Variants in SETD3 observed in about 807,000 individuals in gnomAD.
SETD3 encodes actin-histidine N-methyltransferase.
A neutral mutation model predicts 63.0 loss-of-function variants in SETD3; 19 were observed. The ratio of observed to expected loss-of-function variants is 0.30; its 90% CI spans 0.21 to 0.44. The LOEUF (loss-of-function observed/expected upper bound fraction) is 0.44. SETD3 is among the 20% of genes least tolerant of loss of function. The pLI is 1.00. For synonymous variants in SETD3, 286 were observed against 264.1 expected (o/e 1.08, Z -0.80); for missense variants, 587 against 728.5 (o/e 0.81, Z 2.24).
intron 6 of SETD3, among the ~76,000 whole-genome samples, chr14:99,455,360 G>A (rs1416040052): frequency 6.6e-6 from 1 of 152,166 alleles, no homozygotes; most frequent in Non-Finnish European, 1.5e-5. Context: ...CTCCAAATCT[G>A]CATGATTTTA....
At chr14:99,461,694 C>T (rs1895072074) in intron 3 of SETD3, among the ~76,000 whole-genome samples, 1 of 152,132 alleles carries the variant, frequency 6.6e-6, no homozygotes, top group Admixed American at 6.5e-5. Context: ...TCAAACATGC[C>T]ACCTCTCATG....
At chr14:99,423,531 T>C (rs1488463265) in intron 6 of SETD3, among the ~76,000 whole-genome samples, 1 of 137,566 alleles carries the variant, frequency 7.3e-6, no homozygotes, top group African/African-American at 2.7e-5. Context: ...TTAATTGCCT[T>C]TCTCATTTCA....
chr14:99,419,932 T>C (rs757894452), intron 6 of SETD3, among the ~76,000 whole-genome samples: 1 of 152,212 alleles, frequency 6.6e-6, no homozygotes, highest in Non-Finnish European at 1.5e-5. Flanking sequence ...AAGATGAAGA[T>C]AGGTTAAGAC....
intron 1 of SETD3, among the ~76,000 whole-genome samples, chr14:99,469,099 T>C (rs1038271618): frequency 2.0e-5 from 3 of 152,218 alleles, no homozygotes; most frequent in African/African-American, 7.2e-5. Flanking sequence ...ACAAAATACA[T>C]TCCGTTGACA....
At chr14:99,431,488 T>C (rs1426327341) in intron 6 of SETD3, among the ~76,000 whole-genome samples, 1 of 151,834 alleles carries the variant, frequency 6.6e-6, no homozygotes, top group Non-Finnish European at 1.5e-5. Context: ...CATGCATTAG[T>C]AGGAATTTTT....
intron 6 of SETD3, among the ~76,000 whole-genome samples, chr14:99,437,988 C>G (rs532108342): frequency 6.6e-6 from 1 of 152,210 alleles, no homozygotes; most frequent in Non-Finnish European, 1.5e-5. Context: ...CACTAATTCA[C>G]TTTAAAGACC....
At chr14:99,410,124 T>C in intron 8 of SETD3, 1 of 1,433,898 alleles carries the variant, frequency 7.0e-7, no homozygotes, top group Non-Finnish European at 9.8e-7. Flanking sequence ...GCAGCCACGC[T>C]GGAGGAGGTC....
At chr14:99,449,295 C>T (rs527359271) in intron 6 of SETD3, among the ~76,000 whole-genome samples, 5 of 152,092 alleles carry the variant, frequency 3.3e-5, no homozygotes, top group Non-Finnish European at 7.4e-5. Context: ...TGGTGAGAAA[C>T]AGGATATTTG....
At chr14:99,451,768 A>C (rs1894476016) in intron 6 of SETD3, among the ~76,000 whole-genome samples, 1 of 151,876 alleles carries the variant, frequency 6.6e-6, no homozygotes, top group African/African-American at 2.4e-5. Flanking sequence ...CAGACTCCCA[A>C]AGTGCTGGGA....
At chr14:99,408,930 C>T (rs1891826891) in intron 8 of SETD3, among the ~76,000 whole-genome samples, 1 of 152,166 alleles carries the variant, frequency 6.6e-6, no homozygotes, top group Admixed American at 6.5e-5. Flanking sequence ...GAGGGGCCTT[C>T]CAAGGCTGTA....
intron 6 of SETD3, among the ~76,000 whole-genome samples, chr14:99,445,974 G>T (rs1894105900): frequency 6.6e-6 from 1 of 152,204 alleles, no homozygotes; most frequent in African/African-American, 2.4e-5. Context: ...CCCAGGACAA[G>T]TAAAGCTGGG....
rs1003974185 is a variant in SETD3, at chr14:99,452,711, C to T, written c.675+5568G>A. Reference sequence around the variant, plus strand: ...GTTGAATGGACTATTATCACTTCTCCATGCTCCTCTCCCAAAAACCAGGAT... The same window carrying T: ...GTTGAATGGACTATTATCACTTCTCTATGCTCCTCTCCCAAAAACCAGGAT... On this transcript the variant is annotated intron_variant, in intron 6 of 12. Coordinates refer to ENST00000331768, the MANE Select transcript of SETD3 (RefSeq NM_032233.3). Among the ~76,000 whole-genome samples the T allele has an allele frequency of 2.6e-5, 4 of 152,182 alleles. 1 individual carries two copies. Among genetic ancestry groups the T allele is most frequent in the Admixed American group, 2.6e-4 (4 of 15,278 alleles).
intron 6 of SETD3, among the ~76,000 whole-genome samples, chr14:99,441,334 T>G (rs1005796697): frequency 1.3e-5 from 2 of 152,172 alleles, no homozygotes; most frequent in African/African-American, 4.8e-5. Flanking sequence ...CACACGTGAC[T>G]TACACGTAGA....
At chr14:99,411,289 T>C (rs1308657653) in intron 8 of SETD3, 1 of 135,002 alleles carries the variant, frequency 7.4e-6, no homozygotes, top group East Asian at 2.3e-4. Flanking sequence ...TTGTCATCAA[T>C]TTCTTTATTT....
intron 6 of SETD3, among the ~76,000 whole-genome samples, chr14:99,441,031 C>A (rs1396329762): frequency 2.0e-5 from 3 of 152,156 alleles, no homozygotes; most frequent in South Asian, 4.1e-4. Context: ...GCTGTCACAC[C>A]CTCGACAATC....
At chr14:99,456,099 G>A (rs1238425737) in intron 6 of SETD3, among the ~76,000 whole-genome samples, 1 of 152,146 alleles carries the variant, frequency 6.6e-6, no homozygotes, top group African/African-American at 2.4e-5. Context: ...AGGCTGCAGT[G>A]AGCCATCATC....
intron 8 of SETD3, chr14:99,409,901 A>G: frequency 3.9e-6 from 1 of 255,798 alleles, no homozygotes; most frequent in Non-Finnish European, 7.4e-6. Flanking sequence ...ATTAAAAACC[A>G]CAGCGATATA....
Position 99,404,427 on chromosome 14 carries a change from TGGGTCATTCCA to T in SETD3, c.1092-128_1092-118del. On this transcript the variant is annotated intron_variant, in intron 10 of 12. Transcript: ENST00000331768. Reference sequence around the variant, plus strand: ...GTCCTCAAGGAGAGCTGAGCTGGAATGGGTCATTCCAGCTCCTCATCTCAACTGTGAGCACG... The same window carrying T: ...GTCCTCAAGGAGAGCTGAGCTGGAATGCTCCTCATCTCAACTGTGAGCACG... 5.7e-6 allele frequency: 5 copies of T among 884,722 alleles called. No individual in the cohort carries two copies. In the South Asian group the frequency reaches 6.0e-5, roughly 11 times the overall value. 54.8% of individuals were successfully genotyped at this position (884,722 alleles called of 1,614,324 possible).
intron 12 of SETD3, 102 bp from the exon 13 acceptor site, chr14:99,399,227 G>C (rs1891247629): frequency 1.1e-6 from 1 of 942,268 alleles, no homozygotes; most frequent in Admixed American, 2.4e-5. Flanking sequence ...GGAACTTTTT[G>C]GGGTGACGGG....
Sources: gnomAD v4.1 joint callset for allele counts (sites outside exome capture counted in the v4.1 genomes callset) on GRCh38, gnomAD v4.1.1 for gene constraint, MANE v1.5 for transcripts, NCBI Gene and HGNC (gene_info 2026-07-23, HGNC 2026-07-21) for gene names.